The following CRACDL variants were observed in gnomAD, a reference collection of about 807,000 sequenced individuals.
CRACDL encodes CRACD like, also known as CRACD-like protein.
A neutral mutation model predicts 70.6 loss-of-function variants in CRACDL; 26 were observed. The ratio of observed to expected loss-of-function variants is 0.37; its 90% CI spans 0.27 to 0.51. The LOEUF (loss-of-function observed/expected upper bound fraction) is 0.51. Among genes scored for constraint, CRACDL ranks in the 20% least tolerant of loss-of-function variants. CRACDL has a pLI of 0.94. For missense variants in CRACDL, 1,283 were observed against 1,376.9 expected, an observed-to-expected ratio of 0.93 and a Z score of 1.08; for synonymous variants, 618 against 615.2, an observed-to-expected ratio of 1.00 and a Z score of -0.07.
intron 7 of CRACDL, among the ~76,000 whole-genome samples, chr2:98,820,540 AAAC>A (rs1209315551): frequency 4.6e-5 from 7 of 152,214 alleles, no homozygotes; most frequent in South Asian, 2.1e-4. Context: ...TCTCAAAAAC[AAAC>A]AACAACAAAA....
At chr2:98,835,449 C>T (rs560545655) in intron 3 of CRACDL, among the ~76,000 whole-genome samples, 1 of 152,146 alleles carries the variant, frequency 6.6e-6, no homozygotes, top group Non-Finnish European at 1.5e-5. Context: ...AGTAAGGAAG[C>T]CATCAAAGAT....
At chr2:98,887,524 T>A (rs534085246) in intron 1 of CRACDL, among the ~76,000 whole-genome samples, 1 of 152,078 alleles carries the variant, frequency 6.6e-6, no homozygotes, top group Admixed American at 6.6e-5. Context: ...TGGGGTAGGA[T>A]ACCACTGAGC....
intron 7 of CRACDL, among the ~76,000 whole-genome samples, chr2:98,819,109 TAAAA>T (rs904548823): frequency 1.3e-5 from 2 of 151,946 alleles, no homozygotes; most frequent in Non-Finnish European, 2.9e-5. Context: ...AAGCTGTTAA[TAAAA>T]AAAATACTCT....
intron 7 of CRACDL, among the ~76,000 whole-genome samples, chr2:98,805,916 C>A (rs1293892371): frequency 6.6e-6 from 1 of 152,252 alleles, no homozygotes; most frequent in Non-Finnish European, 1.5e-5. Context: ...GCTTCAACTC[C>A]ACATGGCAGA....
chr2:98,812,470 T>C (rs1188458207), intron 7 of CRACDL, among the ~76,000 whole-genome samples: 3 of 152,232 alleles, frequency 2.0e-5, no homozygotes, highest in East Asian at 1.9e-4. Context: ...GCCATAGAGA[T>C]AATACTCTAA....
rs1465063705 is a variant in CRACDL, at chr2:98,823,786, C to T, written c.736-249G>A. Among the ~76,000 whole-genome samples, 2 of 152,214 alleles carry T rather than the reference C, an allele frequency of 1.3e-5. No individual in the cohort carries two copies. Among genetic ancestry groups the T allele is most frequent in the East Asian group, 3.9e-4 (2 of 5,190 alleles). On this transcript the variant is annotated intron_variant, in intron 6 of 9. Coordinates refer to ENST00000397899, the MANE Select transcript of CRACDL (RefSeq NM_207362.3). The surrounding 1 kb of genome is among the most constrained non-coding windows in gnomAD (Gnocchi z 4.0). ...AATGTCTACAGCTCCTCTGGCAGAG[C>T]CTCAAAACCAGTGGACTAGAGTAAC...
At chr2:98,814,236 C>A (rs923783905) in intron 7 of CRACDL, among the ~76,000 whole-genome samples, 2 of 151,456 alleles carry the variant, frequency 1.3e-5, no homozygotes, top group Non-Finnish European at 2.9e-5. Context: ...TTTTCTAGTT[C>A]CTTAAAGTGG....
intron 1 of CRACDL, among the ~76,000 whole-genome samples, chr2:98,900,076 T>A (rs13014548): frequency 3.2e-5 from 1 of 31,550 alleles, no homozygotes; most frequent in Non-Finnish European, 5.4e-5. Context: ...GGGAGGCAGA[T>A]GGACAGAGGC....
At chr2:98,852,002 C>A (rs1237455913) in intron 1 of CRACDL, among the ~76,000 whole-genome samples, 5 of 151,960 alleles carry the variant, frequency 3.3e-5, no homozygotes, top group Admixed American at 6.6e-5. Flanking sequence ...GTGTGTAGGG[C>A]TTTTGACCTG....
Position 98,879,092 on chromosome 2 carries a change from C to A in CRACDL, c.-10-32282G>T, listed in dbSNP as rs764456719. ...CCCTTCCTCCGAGCCCCTGCCCACT[C>A]ACACCTGGTTTCACACATCTCCCTC... On this transcript the variant is annotated intron_variant, in intron 1 of 9. Coordinates refer to ENST00000397899, the MANE Select transcript of CRACDL (RefSeq NM_207362.3). Among the ~76,000 whole-genome samples, 136 of 152,308 alleles carry A rather than the reference C, an allele frequency of 8.9e-4. 3 individuals carry two copies. The highest frequency in any genetic ancestry group is 9.0e-4 in the Non-Finnish European group (61 of 68,028).
At chr2:98,881,753 T>G (rs955217093) in intron 1 of CRACDL, among the ~76,000 whole-genome samples, 1 of 152,030 alleles carries the variant, frequency 6.6e-6, no homozygotes, top group Non-Finnish European at 1.5e-5. Flanking sequence ...GGCCAACGAG[T>G]GTTTTCCGGG....
chr2:98,861,097 A>T (rs866311534), intron 1 of CRACDL, among the ~76,000 whole-genome samples: 1 of 152,242 alleles, frequency 6.6e-6, no homozygotes, highest in African/African-American at 2.4e-5. Flanking sequence ...CTGTAATCCC[A>T]GCACTTTGGG....
chr2:98,885,866 G>T (rs1248484258), intron 1 of CRACDL, among the ~76,000 whole-genome samples: 2 of 150,838 alleles, frequency 1.3e-5, no homozygotes, highest in Non-Finnish European at 2.9e-5. Context: ...AAAAATGACA[G>T]AATAAGGATC....
intron 1 of CRACDL, among the ~76,000 whole-genome samples, chr2:98,870,695 C>T (rs1558615284): frequency 6.6e-6 from 1 of 152,218 alleles, no homozygotes; most frequent in African/African-American, 2.4e-5. Flanking sequence ...CTGGCCAAAT[C>T]CCACAAGGCC....
In CRACDL at chr2:98,813,442, T is replaced by C. The variant is rs115688607; in HGVS notation, c.2416+8415A>G. On this transcript the variant is annotated intron_variant, in intron 7 of 9. Coordinates refer to ENST00000397899, the MANE Select transcript of CRACDL (RefSeq NM_207362.3). ...AGCAAGACTCTGTCTTAAAAAAAAA[T>C]TTTGCATCTAAATTCAGAGATACTA... Among the ~76,000 whole-genome samples the C allele has an allele frequency of 6.3e-3, 958 of 151,884 alleles. 12 individuals are homozygous for C. Among genetic ancestry groups the C allele is most frequent in the African/African-American group, 0.022 (913 of 41,344 alleles).
chr2:98,870,298 C>CT (rs1707295152), intron 1 of CRACDL, among the ~76,000 whole-genome samples: 2 of 152,170 alleles, frequency 1.3e-5, no homozygotes, highest in Non-Finnish European at 2.9e-5. Flanking sequence ...TGAAAAAGCC[C>CT]TAGTTTGCTT....
At chr2:98,890,947 C>G (rs977183671) in intron 1 of CRACDL, among the ~76,000 whole-genome samples, 3 of 152,006 alleles carry the variant, frequency 2.0e-5, no homozygotes, top group African/African-American at 7.3e-5. Context: ...ATCCCAGCTA[C>G]TTGGGAGGCT....
intron 1 of CRACDL, among the ~76,000 whole-genome samples, chr2:98,927,257 C>T (rs1357476103): frequency 6.6e-6 from 1 of 152,178 alleles, no homozygotes; most frequent in Non-Finnish European, 1.5e-5. Context: ...AGGTGTGTGG[C>T]CTGGAGCCAC....
intron 9 of CRACDL, among the ~76,000 whole-genome samples, chr2:98,795,078 T>TATATATATATA (rs1461039601): frequency 5.5e-5 from 1 of 18,288 alleles, no homozygotes; most frequent in Non-Finnish European, 1.7e-4. Context: ...TATATATATA[T>TATATATATATA]TTTTTTTTTT....
Sources: gnomAD v4.1 joint callset for allele counts (sites outside exome capture counted in the v4.1 genomes callset) on GRCh38, gnomAD v4.1.1 for gene constraint, Gnocchi (gnomAD v3.1) non-coding constraint, MANE v1.5 for transcripts, NCBI Gene and HGNC (gene_info 2026-07-23, HGNC 2026-07-21) for gene names.